The following UBR4 variants were observed in gnomAD, a reference collection of about 807,000 sequenced individuals.
UBR4 encodes the protein ubiquitin protein ligase E3 component n-recognin 4.
Under a neutral mutation model 575.6 loss-of-function variants are expected in UBR4, and 124 were observed. That is an observed-to-expected ratio of 0.22 (90% CI 0.19 to 0.25). The LOEUF (loss-of-function observed/expected upper bound fraction) is 0.25. UBR4 is among the 10% of genes least tolerant of loss of function. UBR4 has a pLI of 1.00. For missense variants in UBR4, 4,818 were observed against 6,478.8 expected (o/e 0.74, Z 8.80); for synonymous variants, 2,455 against 2,473.7 (o/e 0.99, Z 0.22).
rs1329954142 is a variant in UBR4 at position 19,147,998 on chromosome 1, G to T, written c.7624C>A (p.His2542Asn). 2.5e-6 allele frequency: 4 copies of T among 1,612,364 alleles called. No individual in the cohort carries two copies. Among genetic ancestry groups the T allele is most frequent in the Non-Finnish European group, 3.4e-6 (4 of 1,179,546 alleles). The part of the protein sequence containing the change: ...LHTSRSAYHS[H>N]KDQALLSKAV... ...TTCCCTGAGAGAACAGTTACCTTGTGGCTGTGGTAGGCCGAGCGGCTGGTG... is the reference window on the plus strand; with the variant it reads ...TTCCCTGAGAGAACAGTTACCTTGTTGCTGTGGTAGGCCGAGCGGCTGGTG... The change falls in exon 51 of 106, where the codon CAC becomes AAC. Residue 2542 changes from histidine to asparagine, a missense_variant. Transcript: ENST00000375254.
At chr1:19,133,806 C>T (rs373389343) in intron 60 of UBR4, among the ~76,000 whole-genome samples, 116 of 151,458 alleles carry the variant, frequency 7.7e-4, no homozygotes, top group African/African-American at 2.5e-3. Flanking sequence ...AGGCTGGGTA[C>T]GGTGGCTCAC....
intron 98 of UBR4, 46 bp from the exon 99 acceptor site, chr1:19,087,975 C>A (rs368149842): frequency 1.4e-6 from 2 of 1,458,276 alleles, no homozygotes; most frequent in East Asian, 4.8e-5. Flanking sequence ...TCCACACACC[C>A]TCTCCCACCC....
rs748694575 is a variant in UBR4, at chr1:19,187,550, G to A, written c.1395-10C>T. 23 of 1,607,520 alleles carry A rather than the reference G, an allele frequency of 1.4e-5. No individual in the cohort carries two copies. Among genetic ancestry groups the A allele is most frequent in the Non-Finnish European group, 1.9e-5 (22 of 1,176,124 alleles). On this transcript the variant is annotated splice_polypyrimidine_tract_variant and intron_variant, in intron 11 of 105. Coordinates refer to ENST00000375254, the MANE Select transcript of UBR4 (RefSeq NM_020765.3). The stretch of plus-strand genomic sequence containing the variant: ...CCCAAATCCCTGATGCCTACACAAA[G>A]AAAAAGGAAAACACAATCCTTAAAA...
At chr1:19,123,177 C>G (rs1295421145) in intron 65 of UBR4, 117 bp from the exon 66 acceptor site, 1 of 1,081,324 alleles carries the variant, frequency 9.2e-7, no homozygotes, top group African/African-American at 1.6e-5. Context: ...ACAGGCCGGG[C>G]ACGGTGGCTC....
At chr1:19,200,288 A>AG (rs932689658) in intron 2 of UBR4, among the ~76,000 whole-genome samples, 18 of 151,982 alleles carry the variant, frequency 1.2e-4, no homozygotes, top group Non-Finnish European at 2.5e-4. Context: ...AAGGCAAAAA[A>AG]AAAAATCTCA....
At chr1:19,086,651 G>A in intron 100 of UBR4, 28 bp downstream of exon 100, 5 of 1,611,304 alleles carry the variant, frequency 3.1e-6, no homozygotes, top group South Asian at 1.1e-5. Flanking sequence ...CCTACTGAAG[G>A]AGCCATTCCG....
intron 18 of UBR4, 120 bp from the exon 19 acceptor site, chr1:19,177,863 G>A: frequency 8.1e-7 from 1 of 1,227,448 alleles, no homozygotes; most frequent in African/African-American, 1.5e-5. Context: ...ACAAATTAAG[G>A]AAGAAAAAAA....
intron 29 of UBR4, among the ~76,000 whole-genome samples, chr1:19,166,108 AAAAAG>A (rs2088323879): frequency 6.6e-6 from 1 of 152,246 alleles, no homozygotes; most frequent in South Asian, 2.1e-4. Context: ...TTTATCTGTT[AAAAAG>A]AAAAGAGGAG....
At chr1:19,143,096 A>G (rs1298972536) in intron 55 of UBR4, among the ~76,000 whole-genome samples, 1 of 150,578 alleles carries the variant, frequency 6.6e-6, no homozygotes, top group Non-Finnish European at 1.5e-5. Flanking sequence ...AAAAAAGACG[A>G]GAGAGAGAGA....
At position 19,207,591 on chromosome 1, in the gene UBR4, T is replaced by G. The variant is rs536842704; in HGVS notation, c.176+2482A>C. Among the ~76,000 whole-genome samples, 596 of 152,316 alleles carry G rather than the reference T, an allele frequency of 3.9e-3. 2 individuals are homozygous for G. The highest frequency in any genetic ancestry group is 0.013 in the African/African-American group (529 of 41,560). On this transcript the variant is annotated intron_variant, in intron 1 of 105. Coordinates refer to ENST00000375254, the MANE Select transcript of UBR4 (RefSeq NM_020765.3). ...TTGCAGTGAGGTAAAATCGTGCCAC[T>G]GCACTCCAGCCTGGGTGACACAGCA...
chr1:19,133,528 T>C (rs2082782488), intron 60 of UBR4, among the ~76,000 whole-genome samples: 6 of 152,112 alleles, frequency 3.9e-5, no homozygotes, highest in Admixed American at 3.9e-4. Flanking sequence ...GTACAAGAGG[T>C]CTTAGCCAAC....
rs189000289 is a variant in UBR4 at position 19,152,701 on chromosome 1, T to C, written c.6833-225A>G. Among the ~76,000 whole-genome samples, 195 of 152,354 alleles carry C rather than the reference T, an allele frequency of 1.3e-3. 1 individual carries two copies. Among genetic ancestry groups the C allele is most frequent in the African/African-American group, 4.6e-3 (193 of 41,594 alleles). ...ATACCAAGAAATCTGGCATTGGTAT[T>C]GGGTGTACAGCTAATAACAATAGGC... is the stretch of plus-strand genomic sequence containing the variant. On this transcript the variant is annotated intron_variant, in intron 46 of 105. Coordinates refer to ENST00000375254, the MANE Select transcript of UBR4 (RefSeq NM_020765.3). This position sits in a 1 kb window ranked among gnomAD's most constrained non-coding sequence, Gnocchi z 4.4.
chr1:19,194,101 A>G (rs977347436), intron 8 of UBR4, among the ~76,000 whole-genome samples: 1 of 152,228 alleles, frequency 6.6e-6, no homozygotes, highest in African/African-American at 2.4e-5. Context: ...TTTGTACAAT[A>G]TGGTAATCAT....
intron 11 of UBR4, among the ~76,000 whole-genome samples, chr1:19,190,618 A>G (rs1347653436): frequency 1.3e-5 from 2 of 152,108 alleles, no homozygotes; most frequent in African/African-American, 4.8e-5. Context: ...AAGTGTTCCC[A>G]GTATCAGTAA....
Position 19,110,369 on chromosome 1 carries a change from C to T in UBR4, c.11977+11G>A. 6.2e-7 allele frequency: 1 copy of T among 1,614,050 alleles called. No homozygotes were observed. The highest frequency in any genetic ancestry group is 1.1e-5 in the South Asian group (1 of 91,070). On this transcript the variant is annotated intron_variant, in intron 80 of 105. Transcript: ENST00000375254. This position sits in a 1 kb window ranked among gnomAD's most constrained non-coding sequence, Gnocchi z 4.5. ...GCCTCCTTTCCTTTCTCTGAAAATC[C>T]CCTAACTCACCACAGCGTAACCGGA...
In UBR4 at chr1:19,139,917, G is replaced by A. The variant is rs1025038776; in HGVS notation, c.8594-697C>T. On this transcript the variant is annotated intron_variant, in intron 58 of 105. Coordinates refer to ENST00000375254, the MANE Select transcript of UBR4 (RefSeq NM_020765.3). This position sits in a 1 kb window ranked among gnomAD's most constrained non-coding sequence, Gnocchi z 4.2. ...GGAAAATGCTGGATGAGATACATGG[G>A]GGAGGAAAGCCAAGACAGCCACAGA... Among the ~76,000 whole-genome samples the A allele has an allele frequency of 6.6e-6, 1 of 152,116 alleles. No individual in the cohort carries two copies. Among genetic ancestry groups the A allele is most frequent in the Non-Finnish European group, 1.5e-5 (1 of 68,028 alleles).
chr1:19,183,978 G>GA (rs757041965), intron 16 of UBR4, 38 bp downstream of exon 16: 4 of 1,612,738 alleles, frequency 2.5e-6, no homozygotes, highest in African/African-American at 2.7e-5. Context: ...AACTCCATGA[G>GA]AAAAAAAATC....
chr1:19,127,489 A>G, intron 63 of UBR4, 134 bp downstream of exon 63: 1 of 706,354 alleles, frequency 1.4e-6, no homozygotes, highest in Non-Finnish European at 2.5e-6. Context: ...AAAAGGTGAC[A>G]GCTTAGAATC....
At chr1:19,104,467 A>T in intron 86 of UBR4, 118 bp downstream of exon 86, 1 of 1,255,002 alleles carries the variant, frequency 8.0e-7, no homozygotes, top group Non-Finnish European at 1.1e-6. Context: ...TGCAGAGCTT[A>T]AATCTGCACT....
Sources: allele counts gnomAD v4.1 joint callset (sites outside exome capture counted in the v4.1 genomes callset), GRCh38; gene constraint gnomAD v4.1.1; non-coding constraint Gnocchi (gnomAD v3.1); transcripts MANE v1.5; gene names NCBI Gene and HGNC (gene_info 2026-07-23, HGNC 2026-07-21).